Variants in DSTN observed in about 807,000 individuals in gnomAD.
DSTN encodes destrin.
A neutral mutation model predicts 16.8 loss-of-function variants in DSTN; 10 were observed. The ratio of observed to expected loss-of-function variants is 0.60; its 90% CI spans 0.37 to 1.01. The LOEUF is 1.01. DSTN is among the 50% of genes least tolerant of loss of function. The pLI, the probability that DSTN is intolerant of heterozygous loss-of-function variation, is 0.01. For synonymous variants in DSTN, 57 were observed against 58.9 expected (o/e 0.97, Z 0.14); for missense variants, 141 against 196.7 (o/e 0.72, Z 1.69).
At chr20:17,572,071 T>C (rs1286230517) in intron 1 of DSTN, among the ~76,000 whole-genome samples, 2 of 152,250 alleles carry the variant, frequency 1.3e-5, no homozygotes, top group Non-Finnish European at 2.9e-5. Context: ...TCCCAGAGTC[T>C]AGCACTTTGC....
intron 1 of DSTN, among the ~76,000 whole-genome samples, chr20:17,577,136 G>A (rs1242724674): frequency 2.0e-5 from 3 of 152,090 alleles, no homozygotes; most frequent in Non-Finnish European, 2.9e-5. Context: ...TTTGGACTTG[G>A]GTCCTATTCC....
At chr20:17,571,946 C>T (rs547753603) in intron 1 of DSTN, among the ~76,000 whole-genome samples, 43 of 152,286 alleles carry the variant, frequency 2.8e-4, no homozygotes, top group African/African-American at 1.0e-3. Flanking sequence ...TTACAAGTTA[C>T]TCTTAGAGTT....
intron 1 of DSTN, among the ~76,000 whole-genome samples, chr20:17,586,289 A>G (rs1228717799): frequency 1.3e-5 from 2 of 152,182 alleles, no homozygotes; most frequent in South Asian, 2.1e-4. Flanking sequence ...CTTTATTGCT[A>G]TGGTCTAGAA....
At chr20:17,606,182 C>G (rs764502166) in intron 3 of DSTN, among the ~76,000 whole-genome samples, 2 of 151,748 alleles carry the variant, frequency 1.3e-5, no homozygotes, top group Non-Finnish European at 2.9e-5. Context: ...TCAGATCAGT[C>G]CTGAGTAGTT....
intron 1 of DSTN, among the ~76,000 whole-genome samples, chr20:17,586,513 GA>G (rs2035410290): frequency 6.6e-6 from 1 of 152,144 alleles, no homozygotes; most frequent in South Asian, 2.1e-4. Context: ...CTTTGCTGTT[GA>G]TATGGCTTTG....
At chr20:17,604,219 C>T (rs1415487440) in intron 2 of DSTN, among the ~76,000 whole-genome samples, 2 of 152,108 alleles carry the variant, frequency 1.3e-5, no homozygotes, top group African/African-American at 2.4e-5. Flanking sequence ...GAAAAATATT[C>T]TGAAGAAAAA....
intron 2 of DSTN, among the ~76,000 whole-genome samples, 192 bp downstream of exon 2, chr20:17,601,237 T>G (rs1321051876): frequency 6.6e-6 from 1 of 151,602 alleles, no homozygotes; most frequent in Non-Finnish European, 1.5e-5. Context: ...CTATTTTCTA[T>G]CTACTTGTTA....
intron 1 of DSTN, among the ~76,000 whole-genome samples, chr20:17,596,025 C>A (rs1455976036): frequency 6.6e-6 from 1 of 152,120 alleles, no homozygotes; most frequent in Non-Finnish European, 1.5e-5. Flanking sequence ...GACTTCTGTC[C>A]CATTTCTCCC....
intron 1 of DSTN, among the ~76,000 whole-genome samples, chr20:17,581,722 GGTCCTATAAAA>G (rs144618913): frequency 6.2e-4 from 95 of 152,160 alleles, no homozygotes; most frequent in African/African-American, 2.2e-3. Context: ...CTATGCTTGA[GGTCCTATAAAA>G]GAACTAAAAC....
chr20:17,604,124 AT>A (rs1414231625), intron 2 of DSTN, among the ~76,000 whole-genome samples: 2 of 152,144 alleles, frequency 1.3e-5, no homozygotes, highest in African/African-American at 4.8e-5. Context: ...ACTTTTATGT[AT>A]TTTAAAACTT....
At chr20:17,584,939 A>T (rs2035389524) in intron 1 of DSTN, among the ~76,000 whole-genome samples, 1 of 152,112 alleles carries the variant, frequency 6.6e-6, no homozygotes. Context: ...ACTATCATTT[A>T]CTTTGCAGTT....
chr20:17,599,009 T>C (rs1227460090), intron 1 of DSTN, among the ~76,000 whole-genome samples: 1 of 152,172 alleles, frequency 6.6e-6, no homozygotes, highest in African/African-American at 2.4e-5. Context: ...ACACAAAACC[T>C]TGTACACGAG....
intron 1 of DSTN, among the ~76,000 whole-genome samples, chr20:17,595,706 A>G (rs1215984734): frequency 6.6e-6 from 1 of 152,140 alleles, no homozygotes; most frequent in East Asian, 1.9e-4. Flanking sequence ...CCCTGGGCAA[A>G]TTATTTAATT....
intron 1 of DSTN, among the ~76,000 whole-genome samples, chr20:17,580,396 A>C (rs4814626): frequency 0.24 from 36,386 of 152,088 alleles, 4,874 homozygotes; most frequent in East Asian, 0.55. Flanking sequence ...GAAGAGACAA[A>C]AAAGACAAGA....
chr20:17,580,101 T>C (rs1439367385), intron 1 of DSTN, among the ~76,000 whole-genome samples: 1 of 152,224 alleles, frequency 6.6e-6, no homozygotes, highest in African/African-American at 2.4e-5. Flanking sequence ...AATAGTTTTA[T>C]TCTTTCTTTA....
intron 1 of DSTN, chr20:17,576,507 A>G (rs2035280001): frequency 6.4e-6 from 1 of 155,090 alleles, no homozygotes; most frequent in Non-Finnish European, 1.5e-5. Context: ...TCGCCCTCAC[A>G]TCATACGTAG....
At chr20:17,584,788 A>G (rs1160263477) in intron 1 of DSTN, among the ~76,000 whole-genome samples, 3 of 152,184 alleles carry the variant, frequency 2.0e-5, no homozygotes, top group Non-Finnish European at 4.4e-5. Context: ...GTTTTTCATA[A>G]TTGAGATTAT....
chr20:17,580,563 A>G (rs987508908), intron 1 of DSTN, among the ~76,000 whole-genome samples: 7 of 152,200 alleles, frequency 4.6e-5, no homozygotes, highest in Admixed American at 2.0e-4. Flanking sequence ...CCTGGCCAAC[A>G]TGGTGAAACC....
intron 2 of DSTN, among the ~76,000 whole-genome samples, chr20:17,601,932 T>G (rs1022133020): frequency 1.6e-5 from 2 of 127,288 alleles, no homozygotes; most frequent in African/African-American, 6.6e-5. Flanking sequence ...CACTACCTGA[T>G]TTTTTTCTTT....
Sources: allele counts gnomAD v4.1 joint callset (sites outside exome capture counted in the v4.1 genomes callset), GRCh38; gene constraint gnomAD v4.1.1; transcripts MANE v1.5; gene names NCBI Gene and HGNC (gene_info 2026-07-23, HGNC 2026-07-21).